The following TNS1 variants were observed in gnomAD, a reference collection of about 807,000 sequenced individuals.
The protein encoded by TNS1 is tensin-1.
In TNS1, 62 loss-of-function variants were observed where a neutral mutation model predicts 168.6. The observed-to-expected ratio is 0.37, with a 90% CI of 0.30 to 0.45. TNS1 has a LOEUF of 0.45. Ranked by LOEUF, TNS1 falls within the 20% of genes least tolerant of loss-of-function variation. The pLI, the probability that TNS1 is intolerant of heterozygous loss-of-function variation, is 1.00. For missense variants in TNS1, 2,240 were observed against 2,339.4 expected, an observed-to-expected ratio of 0.96 and a Z score of 0.88; for synonymous variants, 934 against 933.2, an observed-to-expected ratio of 1.00 and a Z score of -0.02.
At chr2:218,015,331 G>A (rs1958748119), upstream of TNS1, among the ~76,000 whole-genome samples, 1 of 152,044 alleles carries the variant, frequency 6.6e-6, no homozygotes, top group Non-Finnish European at 1.5e-5. Flanking sequence ...AGCCAGAAAA[G>A]CAGAGAGAAG....
intron 3 of TNS1, among the ~76,000 whole-genome samples, chr2:217,938,526 T>C (rs1436367742): frequency 6.6e-6 from 1 of 152,176 alleles, no homozygotes; most frequent in African/African-American, 2.4e-5. Flanking sequence ...GCCAGTTAGA[T>C]TTTGGGGGGA....
chr2:217,917,424 A>G (rs1487659597), intron 4 of TNS1, among the ~76,000 whole-genome samples: 1 of 152,230 alleles, frequency 6.6e-6, no homozygotes, highest in East Asian at 1.9e-4. Flanking sequence ...CCCTTAAACA[A>G]GATAAATAAG....
chr2:217,817,354 C>G lies in TNS1; in HGVS notation c.4642+336G>C, dbSNP rs1383005596. On this transcript the variant is annotated intron_variant, in intron 24 of 32. Coordinates refer to ENST00000682258, the MANE Select transcript of TNS1 (RefSeq NM_001387777.1). ...AAGTGGCCAAGAAGCTTAAATGACA[C>G]AGTACTCAGCTCAGAGCCTGGCACA... Among the ~76,000 whole-genome samples, 3 of 152,142 alleles carry G rather than the reference C, an allele frequency of 2.0e-5. No homozygotes were observed. The East Asian group carries it at 5.8e-4, about 29-fold the overall frequency.
At chr2:217,992,127 C>T (rs1352261396) in intron 1 of TNS1, among the ~76,000 whole-genome samples, 1 of 151,962 alleles carries the variant, frequency 6.6e-6, no homozygotes, top group Non-Finnish European at 1.5e-5. Context: ...CACTGCGGGG[C>T]AGGGGGGCCT....
chr2:217,980,341 C>T (rs1958011607), intron 2 of TNS1, among the ~76,000 whole-genome samples: 1 of 152,170 alleles, frequency 6.6e-6, no homozygotes, highest in Non-Finnish European at 1.5e-5. Context: ...AGCACCACCA[C>T]CAGCCCGGGT....
upstream of TNS1, among the ~76,000 whole-genome samples, chr2:218,004,478 C>T (rs956975360): frequency 6.6e-6 from 1 of 152,174 alleles, no homozygotes; most frequent in African/African-American, 2.4e-5. Context: ...CTTGTGCCAA[C>T]TCCCAGCCCA....
At chr2:217,812,189 T>C (rs1385918841) in intron 28 of TNS1, among the ~76,000 whole-genome samples, 179 bp downstream of exon 28, 1 of 152,220 alleles carries the variant, frequency 6.6e-6, no homozygotes. Flanking sequence ...AGCTTTTTCA[T>C]AAATTTTTTC....
At chr2:217,841,654 G>A (rs1945980190) in intron 19 of TNS1, among the ~76,000 whole-genome samples, 5 of 151,974 alleles carry the variant, frequency 3.3e-5, no homozygotes, top group South Asian at 4.2e-4. Context: ...GCCATCGTGG[G>A]ACCAGGAGAA....
At chr2:218,029,847 G>A (rs567206636) in intron 1 of TNS1, among the ~76,000 whole-genome samples, 16 of 152,170 alleles carry the variant, frequency 1.1e-4, no homozygotes, top group South Asian at 2.1e-4. Flanking sequence ...GAGTACGTGC[G>A]TGTGTTCAGT....
chr2:217,820,772 A>G (rs1387250829), intron 23 of TNS1, among the ~76,000 whole-genome samples: 2 of 150,146 alleles, frequency 1.3e-5, no homozygotes. Flanking sequence ...CACCCCCACT[A>G]CCCCAGTCAA....
In TNS1 at chr2:217,799,818, A is replaced by G. The variant is rs1937208344; in HGVS notation, c.*4641T>C. 6.6e-6 allele frequency: 1 copy of G among 152,142 alleles called. No homozygotes were observed. The highest frequency in any genetic ancestry group is 1.5e-5 in the Non-Finnish European group (1 of 68,030). 9.4% of individuals were successfully genotyped at this position (152,142 alleles called of 1,614,324 possible). ...GTTTTCTTTAACTTTATCATTTATA[A>G]AGCCATACAATGCATTGCAAAGAAA... On this transcript the variant is annotated 3_prime_UTR_variant, in exon 33 of 33. Transcript: ENST00000682258.
chr2:217,806,115 G>C lies in TNS1; in HGVS notation c.5376-1512C>G, dbSNP rs142085643. Among the ~76,000 whole-genome samples, 6 of 152,304 alleles carry C rather than the reference G, an allele frequency of 3.9e-5. No homozygotes were observed. The East Asian group carries it at 9.7e-4, about 25-fold the overall frequency. On this transcript the variant is annotated intron_variant, in intron 32 of 32. Coordinates refer to ENST00000682258, the MANE Select transcript of TNS1 (RefSeq NM_001387777.1). The stretch of plus-strand genomic sequence containing the variant: ...AGAGGGAGGAAGCATGCCAGCCCTG[G>C]CTGCGGGTGTCTACCAGGATGGAGA...
chr2:218,018,162 C>G (rs1958778593), intron 1 of TNS1, among the ~76,000 whole-genome samples: 1 of 152,164 alleles, frequency 6.6e-6, no homozygotes, highest in Admixed American at 6.5e-5. Context: ...CCCCGCAGCC[C>G]AACTCAAGAC....
At chr2:217,977,547 C>G (rs943083168) in intron 3 of TNS1, among the ~76,000 whole-genome samples, 4 of 152,236 alleles carry the variant, frequency 2.6e-5, no homozygotes, top group African/African-American at 9.6e-5. Flanking sequence ...CCTCTAAGCT[C>G]CCAGTAGCTG....
At chr2:217,991,776 C>T (rs184359548) in intron 1 of TNS1, among the ~76,000 whole-genome samples, 148 of 152,308 alleles carry the variant, frequency 9.7e-4, no homozygotes, top group Middle Eastern at 3.4e-3. Context: ...CTCCCCATTC[C>T]ACCCTCTCCA....
chr2:217,891,026 G>A lies in TNS1; in HGVS notation c.802C>T (p.Arg268Trp), dbSNP rs1235601145. ...TCATAGAACCGCTTCATTGCAAACC[G>A]GTCCAGAGCCTGGTCCGCACTGCAG... is the stretch of plus-strand genomic sequence containing the variant. The part of the protein sequence containing the change: ...ISASADQALD[R>W]FAMKRFYEDK... The change falls in exon 12 of 33, where the codon CGG becomes TGG. Residue 268 changes from arginine (R) to tryptophan (W), a missense_variant. By Grantham distance (101) the Arg-to-Trp change is moderately radical (BLOSUM62 -3). Transcript: ENST00000682258. 8.1e-6 allele frequency: 13 copies of A among 1,614,120 alleles called. No homozygotes were observed. Among genetic ancestry groups the A allele is most frequent in the Non-Finnish European group, 1.0e-5 (12 of 1,180,018 alleles).
In TNS1 at chr2:217,802,841, A is replaced by G. The variant is rs1217291692; in HGVS notation, c.*1618T>C. On this transcript the variant is annotated 3_prime_UTR_variant, in exon 33 of 33. Coordinates refer to ENST00000682258, the MANE Select transcript of TNS1 (RefSeq NM_001387777.1). ...CAGATTCTGTCAGTATGTCTCATGT[A>G]TATATTATATAATATTTATATATCA... 1 of 152,660 alleles carries G rather than the reference A, an allele frequency of 6.6e-6. No homozygotes were observed. The highest frequency in any genetic ancestry group is 6.5e-5 in the Admixed American group (1 of 15,282). 9.5% of individuals were successfully genotyped at this position (152,660 alleles called of 1,614,324 possible).
intron 3 of TNS1, among the ~76,000 whole-genome samples, chr2:217,961,358 G>A (rs77442739): frequency 1.2e-3 from 179 of 152,104 alleles, no homozygotes; most frequent in African/African-American, 4.2e-3. Context: ...AAACTGCTCA[G>A]ATCAGAGAGA....
chr2:218,017,677 G>A (rs550269164), intron 1 of TNS1, among the ~76,000 whole-genome samples: 2 of 152,266 alleles, frequency 1.3e-5, no homozygotes, highest in African/African-American at 4.8e-5. Context: ...TTTCTATGCT[G>A]AGCCTGCTTC....
Sources: gnomAD v4.1 joint callset for allele counts (sites outside exome capture counted in the v4.1 genomes callset) on GRCh38, gnomAD v4.1.1 for gene constraint, MANE v1.5 for transcripts, NCBI Gene and HGNC (gene_info 2026-07-23, HGNC 2026-07-21) for gene names.